The following MAML3 variants were observed in gnomAD, a reference collection of about 807,000 sequenced individuals.
MAML3 encodes mastermind like transcriptional coactivator 3, also known as mastermind-like protein 3.
In MAML3, 27 loss-of-function variants were observed where a neutral mutation model predicts 101.9. That is an observed-to-expected ratio of 0.27 (90% confidence interval 0.20 to 0.37). The LOEUF (loss-of-function observed/expected upper bound fraction) is 0.37. MAML3 is among the 10% of genes least tolerant of loss of function. The pLI is 1.00. For synonymous variants in MAML3, 501 were observed against 555.9 expected (o/e 0.90, Z 1.39); for missense variants, 1,316 against 1,444.9 (o/e 0.91, Z 1.45).
At chr4:140,117,662 T>TATATAC (rs1491180054) in intron 1 of MAML3, among the ~76,000 whole-genome samples, 1 of 151,442 alleles carries the variant, frequency 6.6e-6, no homozygotes, top group Non-Finnish European at 1.5e-5. Context: ...TATATATATA[T>TATATAC]ACACATATAT....
intron 2 of MAML3, among the ~76,000 whole-genome samples, chr4:139,766,495 A>C (rs1045670760): frequency 1.4e-4 from 21 of 152,166 alleles, no homozygotes; most frequent in African/African-American, 4.6e-4. Flanking sequence ...TTAAAGCTCT[A>C]GATGCCAAGG....
chr4:139,839,754 T>C (rs1731328134), intron 2 of MAML3, among the ~76,000 whole-genome samples: 1 of 152,180 alleles, frequency 6.6e-6, no homozygotes, highest in Non-Finnish European at 1.5e-5. Flanking sequence ...GGAATGGCTA[T>C]ATCACTAATG....
intron 1 of MAML3, among the ~76,000 whole-genome samples, chr4:140,058,486 TGAGTAGATA>T (rs1320077325): frequency 6.6e-6 from 1 of 151,752 alleles, no homozygotes; most frequent in African/African-American, 2.4e-5. Context: ...TTATTCCTGC[TGAGTAGATA>T]GATATTGGAC....
chr4:139,719,470 C>T lies in MAML3; in HGVS notation c.3270G>A (p.Gln1090=), dbSNP rs1210241641. 1 of 1,614,020 alleles carries T rather than the reference C, an allele frequency of 6.2e-7. No homozygotes were observed. The highest frequency in any genetic ancestry group is 2.2e-5 in the East Asian group (1 of 44,872). ...QSQAYERNAP[Q]DVSYNYSGDG... ...CGCCACTGTAATTGTATGACACGTC[C>T]TGAGGGGCATTCCGCTCATAGGCTT... The change falls in exon 5 of 5, where the codon CAG becomes CAA. Residue 1090 remains glutamine, a synonymous_variant. Transcript: ENST00000509479.
In MAML3 at chr4:139,720,222, G is replaced by C. The variant is rs766114903; in HGVS notation, c.2518C>G (p.Pro840Ala). 1 of 1,612,728 alleles carries C rather than the reference G, an allele frequency of 6.2e-7. No homozygotes were observed. The highest frequency in any genetic ancestry group is 1.1e-5 in the South Asian group (1 of 90,984). ...AQNAGMMGIG[P>A]SQNPGTMATA... ...GCCATCGTCCCAGGGTTCTGGGAGG[G>C]TCCTATTCCCATCATGCCTGCGTTC... Residue 840 changes from proline to alanine, a missense_variant, in exon 5 of 5, where the codon CCC becomes GCC. Pro to Ala is a conservative substitution (Grantham distance 27). Coordinates refer to ENST00000509479, the MANE Select transcript of MAML3 (RefSeq NM_018717.5).
chr4:140,088,063 C>CA lies in MAML3; in HGVS notation c.468+64796dup, dbSNP rs944990857. ...GGGCGACATCGCAAGACCTCAACTC[C>CA]AAAAAAAATTTAAAAAATTAGCCGG... is the stretch of plus-strand genomic sequence containing the variant. On this transcript the variant is annotated intron_variant, in intron 1 of 4. Coordinates refer to ENST00000509479, the MANE Select transcript of MAML3 (RefSeq NM_018717.5). 7.2e-5 allele frequency among the ~76,000 whole-genome samples: 11 copies of CA among 151,790 alleles called. No individual in the cohort carries two copies. The East Asian group carries it at 7.7e-4, about 11-fold the overall frequency.
At chr4:139,804,021 G>A (rs565192347) in intron 2 of MAML3, among the ~76,000 whole-genome samples, 25 of 152,296 alleles carry the variant, frequency 1.6e-4, no homozygotes, top group Admixed American at 1.3e-4. Flanking sequence ...AGAAAAAGCT[G>A]GGGATCGGCA....
At chr4:139,994,792 T>G (rs1427566787) in intron 1 of MAML3, among the ~76,000 whole-genome samples, 1 of 151,746 alleles carries the variant, frequency 6.6e-6, no homozygotes, top group Non-Finnish European at 1.5e-5. Context: ...GGGGGGTGTG[T>G]GTGTGTGTGT....
intron 1 of MAML3, among the ~76,000 whole-genome samples, chr4:139,982,337 A>C (rs907114502): frequency 1.3e-5 from 2 of 151,986 alleles, no homozygotes; most frequent in African/African-American, 4.8e-5. Flanking sequence ...GTTTTTTTGA[A>C]TACTTCCTTA....
intron 1 of MAML3, among the ~76,000 whole-genome samples, chr4:140,126,735 G>A (rs935037539): frequency 6.6e-6 from 1 of 152,120 alleles, no homozygotes; most frequent in Non-Finnish European, 1.5e-5. Context: ...CATCCCTTCA[G>A]AATGGACCAT....
In MAML3 at chr4:140,028,656, T is replaced by C. The variant is rs536291939; in HGVS notation, c.468+124204A>G. On this transcript the variant is annotated intron_variant, in intron 1 of 4. Coordinates refer to ENST00000509479, the MANE Select transcript of MAML3 (RefSeq NM_018717.5). ...TATTTATCTTCTTAAAGGCCAGTTT[T>C]AAAAAGCAGTTCCAAAGCTCAGCCA... 3.9e-5 allele frequency among the ~76,000 whole-genome samples: 6 copies of C among 152,340 alleles called. No individual in the cohort carries two copies. The South Asian group carries it at 1.2e-3, about 32-fold the overall frequency.
In MAML3 at chr4:140,033,530, C is replaced by T. The variant is rs576202697; in HGVS notation, c.468+119330G>A. 5.9e-5 allele frequency among the ~76,000 whole-genome samples: 9 copies of T among 152,260 alleles called. No individual in the cohort carries two copies. The South Asian group carries it at 1.0e-3, about 18-fold the overall frequency. On this transcript the variant is annotated intron_variant, in intron 1 of 4. Coordinates refer to ENST00000509479, the MANE Select transcript of MAML3 (RefSeq NM_018717.5). ...CCAGCCTGAGGAGCATCTCAACTCC[C>T]GAATGACATTTGATCGCCTCACTGG...
intron 2 of MAML3, among the ~76,000 whole-genome samples, chr4:139,806,690 G>A (rs1001043999): frequency 1.3e-5 from 2 of 152,132 alleles, no homozygotes; most frequent in South Asian, 4.1e-4. Flanking sequence ...CAACTAAAAT[G>A]TTCAACAATA....
chr4:139,893,944 G>A (rs1732554067), intron 1 of MAML3, among the ~76,000 whole-genome samples: 1 of 152,086 alleles, frequency 6.6e-6, no homozygotes, highest in South Asian at 2.1e-4. Flanking sequence ...TTACATAGTT[G>A]CAGGCAGAAG....
intron 1 of MAML3, among the ~76,000 whole-genome samples, chr4:140,094,578 C>T (rs1012899721): frequency 6.6e-6 from 1 of 152,230 alleles, no homozygotes; most frequent in African/African-American, 2.4e-5. Flanking sequence ...TCATTTAAGT[C>T]ATCACCCTGA....
intron 2 of MAML3, among the ~76,000 whole-genome samples, chr4:139,756,115 C>T (rs1182930941): frequency 6.6e-6 from 1 of 152,160 alleles, no homozygotes; most frequent in East Asian, 1.9e-4. Flanking sequence ...TATTCATGAA[C>T]ATACTGCAGG....
chr4:139,814,675 C>T (rs970976982), intron 2 of MAML3, among the ~76,000 whole-genome samples: 2 of 152,172 alleles, frequency 1.3e-5, no homozygotes, highest in Non-Finnish European at 2.9e-5. Context: ...ACCCTCCCCC[C>T]ACCACCAAGA....
At chr4:139,739,710 G>T (rs1579380036) in intron 2 of MAML3, among the ~76,000 whole-genome samples, 1 of 104,792 alleles carries the variant, frequency 9.5e-6, no homozygotes, top group South Asian at 4.2e-4. Flanking sequence ...ATGTCCTCAG[G>T]TGTTAAAACT....
chr4:140,105,381 C>A (rs773649996), intron 1 of MAML3, among the ~76,000 whole-genome samples: 1 of 152,216 alleles, frequency 6.6e-6, no homozygotes, highest in Non-Finnish European at 1.5e-5. Context: ...TAGCCAGACA[C>A]TTCATTTTAA....
Sources: allele counts gnomAD v4.1 joint callset (sites outside exome capture counted in the v4.1 genomes callset), GRCh38; gene constraint gnomAD v4.1.1; transcripts MANE v1.5; gene names NCBI Gene and HGNC (gene_info 2026-07-23, HGNC 2026-07-21).